Variants in TMCC3 observed in about 807,000 individuals in gnomAD.
TMCC3 encodes the protein transmembrane and coiled-coil domain family 3.
A neutral mutation model predicts 40.2 loss-of-function variants in TMCC3; 28 were observed. The ratio of observed to expected loss-of-function variants is 0.70; its 90% CI spans 0.52 to 0.95. The LOEUF (loss-of-function observed/expected upper bound fraction) is 0.95. Among genes scored for constraint, TMCC3 ranks in the 40% least tolerant of loss-of-function variants. The pLI, the probability that TMCC3 is intolerant of heterozygous loss-of-function variation, is 0.00. For missense variants in TMCC3, 554 were observed against 615.2 expected (o/e 0.90, Z 1.05); for synonymous variants, 255 against 248.5 (o/e 1.03, Z -0.25).
intron 1 of TMCC3, among the ~76,000 whole-genome samples, chr12:94,595,218 A>C (rs2068708411): frequency 6.6e-6 from 1 of 152,152 alleles, no homozygotes; most frequent in African/African-American, 2.4e-5. Context: ...TCATAATCAT[A>C]ATCTTAGTGG....
At chr12:94,593,240 G>A (rs1317398284) in intron 1 of TMCC3, among the ~76,000 whole-genome samples, 1 of 150,310 alleles carries the variant, frequency 6.7e-6, no homozygotes, top group Non-Finnish European at 1.5e-5. Context: ...GGTGGCGGGT[G>A]CCTGTAATCC....
intron 1 of TMCC3, among the ~76,000 whole-genome samples, chr12:94,627,934 T>C (rs141278783): frequency 6.6e-6 from 1 of 152,342 alleles, no homozygotes; most frequent in African/African-American, 2.4e-5. Flanking sequence ...GCCTAGCACA[T>C]AGTAGGTGCT....
intron 1 of TMCC3, chr12:94,590,969 T>G (rs773033258): frequency 1.8e-6 from 1 of 568,840 alleles, no homozygotes; most frequent in Non-Finnish European, 3.5e-6. Flanking sequence ...GATCAACATT[T>G]AAATATGATC....
intron 1 of TMCC3, among the ~76,000 whole-genome samples, chr12:94,631,157 T>A (rs2068931467): frequency 2.0e-5 from 3 of 152,230 alleles, no homozygotes; most frequent in Admixed American, 2.0e-4. Context: ...CAGTTCTTCC[T>A]CATCTTTTTA....
At chr12:94,586,437 T>C (rs2138831454) in intron 1 of TMCC3, among the ~76,000 whole-genome samples, 1 of 152,346 alleles carries the variant, frequency 6.6e-6, no homozygotes, top group East Asian at 1.9e-4. Flanking sequence ...GTTTTGCCTG[T>C]TGTATACATG....
chr12:94,572,919 TG>T (rs1201855378), intron 3 of TMCC3, among the ~76,000 whole-genome samples: 3 of 152,166 alleles, frequency 2.0e-5, no homozygotes, highest in Non-Finnish European at 2.9e-5. Flanking sequence ...GCTATCTCCC[TG>T]GATCTCGTCC....
In TMCC3 at chr12:94,584,143, G is replaced by A. The variant is rs572548171; in HGVS notation, c.79-1605C>T. On this transcript the variant is annotated intron_variant, in intron 1 of 3. Coordinates refer to ENST00000261226, the MANE Select transcript of TMCC3 (RefSeq NM_020698.4). Reference sequence around the variant, plus strand: ...ATGTTCAATTGTAATCCCCAGTGTTGGAGGTGAGGCCTGGTGGGAGGTGAT... The same window carrying A: ...ATGTTCAATTGTAATCCCCAGTGTTAGAGGTGAGGCCTGGTGGGAGGTGAT... Among the ~76,000 whole-genome samples, 116 of 152,236 alleles carry A rather than the reference G, an allele frequency of 7.6e-4. 1 individual carries two copies. Among genetic ancestry groups the A allele is most frequent in the Middle Eastern group, 3.4e-3 (1 of 294 alleles).
intron 1 of TMCC3, among the ~76,000 whole-genome samples, chr12:94,587,920 T>C (rs1342241407): frequency 6.6e-6 from 1 of 152,222 alleles, no homozygotes; most frequent in African/African-American, 2.4e-5. Context: ...TTGGCTGTTA[T>C]TACTTTAGAT....
chr12:94,575,255 T>G (rs2068556861), intron 3 of TMCC3, among the ~76,000 whole-genome samples: 1 of 152,158 alleles, frequency 6.6e-6, no homozygotes, highest in Admixed American at 6.5e-5. Context: ...AAGGCCCAAC[T>G]GCTAGAAGCC....
chr12:94,622,294 C>G (rs754732221), intron 1 of TMCC3, among the ~76,000 whole-genome samples: 10 of 152,138 alleles, frequency 6.6e-5, no homozygotes, highest in Non-Finnish European at 1.0e-4. Context: ...AGGGAGAGTT[C>G]AATCGAGATA....
At chr12:94,596,871 A>C (rs894696439) in intron 1 of TMCC3, among the ~76,000 whole-genome samples, 1 of 152,066 alleles carries the variant, frequency 6.6e-6, no homozygotes, top group Non-Finnish European at 1.5e-5. Flanking sequence ...TTGCTTTCAA[A>C]ACAGACCGAA....
chr12:94,572,502 G>A (rs1250542387), intron 3 of TMCC3, among the ~76,000 whole-genome samples: 1 of 151,466 alleles, frequency 6.6e-6, no homozygotes, highest in Non-Finnish European at 1.5e-5. Context: ...GTAGAGACAG[G>A]GTTTTACCAT....
intron 1 of TMCC3, among the ~76,000 whole-genome samples, chr12:94,620,170 A>C (rs1282026624): frequency 6.6e-6 from 1 of 152,186 alleles, no homozygotes; most frequent in Admixed American, 6.5e-5. Context: ...TCAAGAAAAA[A>C]AAAGAAACAT....
chr12:94,573,317 G>A (rs1043737096), intron 3 of TMCC3, among the ~76,000 whole-genome samples: 6 of 152,094 alleles, frequency 3.9e-5, no homozygotes, highest in East Asian at 1.9e-4. Context: ...CTAAGTCACC[G>A]GGATCTCCTG....
intron 1 of TMCC3, among the ~76,000 whole-genome samples, chr12:94,611,712 T>C (rs1437780728): frequency 6.6e-6 from 1 of 151,850 alleles, no homozygotes; most frequent in Admixed American, 6.6e-5. Flanking sequence ...AGATTACTTA[T>C]AATACCTAAT....
intron 3 of TMCC3, among the ~76,000 whole-genome samples, chr12:94,574,574 T>C (rs537270938): frequency 9.2e-5 from 14 of 152,314 alleles, no homozygotes; most frequent in African/African-American, 3.1e-4. Context: ...GGCTCCAAGA[T>C]TGATTTGCTT....
intron 1 of TMCC3, among the ~76,000 whole-genome samples, chr12:94,646,245 T>C (rs2069017373): frequency 6.6e-6 from 1 of 152,026 alleles, no homozygotes; most frequent in Non-Finnish European, 1.5e-5. Context: ...GTGGTATTGC[T>C]AATAGGTTAG....
At chr12:94,610,803 G>A (rs936423960) in intron 1 of TMCC3, among the ~76,000 whole-genome samples, 1 of 152,138 alleles carries the variant, frequency 6.6e-6, no homozygotes, top group Non-Finnish European at 1.5e-5. Context: ...GAGGGGTGGA[G>A]GGATTTATGA....
intron 1 of TMCC3, among the ~76,000 whole-genome samples, chr12:94,593,391 A>AAAGAAGAAAG (rs796677101): frequency 0.16 from 10,195 of 62,748 alleles, 4,019 homozygotes; most frequent in African/African-American, 0.53. Flanking sequence ...AAGAAAGAAG[A>AAAGAAGAAAG]AAGAAGAAAG....
Sources: allele counts gnomAD v4.1 joint callset (sites outside exome capture counted in the v4.1 genomes callset), GRCh38; gene constraint gnomAD v4.1.1; transcripts MANE v1.5; gene names NCBI Gene and HGNC (gene_info 2026-07-23, HGNC 2026-07-21).